The following TFEC variants were observed in gnomAD, a reference collection of about 807,000 sequenced individuals.
The protein encoded by TFEC is transcription factor EC.
Under a neutral mutation model 41.6 loss-of-function variants are expected in TFEC, and 31 were observed. The observed-to-expected ratio is 0.74, with a 90% CI of 0.56 to 1.01. The LOEUF (loss-of-function observed/expected upper bound fraction) is 1.01. TFEC is among the 50% of genes least tolerant of loss of function. The probability of loss-of-function intolerance (pLI) is 0.00; values close to 1 mark genes in which losing one functional copy is unlikely to be tolerated. For missense variants in TFEC, 402 were observed against 404.1 expected, an observed-to-expected ratio of 0.99 and a Z score of 0.04; for synonymous variants, 143 against 140.6, an observed-to-expected ratio of 1.02 and a Z score of -0.12.
At chr7:116,068,971 G>C (rs10953802) in intron 3 of TFEC, among the ~76,000 whole-genome samples, 36,381 of 151,412 alleles carry the variant, frequency 0.24, 4,530 homozygotes, top group East Asian at 0.39. Flanking sequence ...AACACAACTT[G>C]AAGAAAATAG....
At chr7:116,121,836 T>TG (rs1260922373) in intron 1 of TFEC, among the ~76,000 whole-genome samples, 2 of 152,012 alleles carry the variant, frequency 1.3e-5, no homozygotes, top group Non-Finnish European at 1.5e-5. Flanking sequence ...AAGCCCTGAT[T>TG]GGTCCAAAAG....
At chr7:116,148,007 A>G (rs1798678818) in intron 1 of TFEC, among the ~76,000 whole-genome samples, 2 of 152,320 alleles carry the variant, frequency 1.3e-5, no homozygotes, top group Non-Finnish European at 2.9e-5. Context: ...TAAGGGAAGT[A>G]AGATTGACAA....
At chr7:116,021,118 A>G (rs1460698108) in intron 1 of TFEC, among the ~76,000 whole-genome samples, 1 of 152,216 alleles carries the variant, frequency 6.6e-6, no homozygotes, top group Admixed American at 6.5e-5. Context: ...AAAGGAACAT[A>G]AGAATTGATA....
At chr7:115,967,655 A>G (rs995645904) in intron 3 of TFEC, among the ~76,000 whole-genome samples, 5 of 151,802 alleles carry the variant, frequency 3.3e-5, no homozygotes, top group African/African-American at 1.2e-4. Flanking sequence ...TTTTTGTCCT[A>G]TTATGACACA....
rs1326217479 is a variant in TFEC at position 115,935,164 on chromosome 7, A to T, written c.*5387T>A. ...AAACTGTAAAACATTTCATAATTATAGTCTTTCATTTAATATATGCAAAGA... is the reference window on the plus strand; with the variant it reads ...AAACTGTAAAACATTTCATAATTATTGTCTTTCATTTAATATATGCAAAGA... On this transcript the variant is annotated 3_prime_UTR_variant, in exon 8 of 8. Transcript: ENST00000265440. 1 of 151,742 alleles carries T rather than the reference A, an allele frequency of 6.6e-6. No homozygotes were observed. Among genetic ancestry groups the T allele is most frequent in the Non-Finnish European group, 1.5e-5 (1 of 67,650 alleles). The allele number at this position is 151,742 out of a possible 1,614,324, so 9.4% of individuals were successfully genotyped here.
At chr7:115,977,481 A>G (rs549463451) in intron 2 of TFEC, among the ~76,000 whole-genome samples, 1 of 152,198 alleles carries the variant, frequency 6.6e-6, no homozygotes, top group South Asian at 2.1e-4. Flanking sequence ...AGAACTTTGA[A>G]CCTACATATT....
At chr7:116,001,201 T>G (rs1046333796) in intron 1 of TFEC, among the ~76,000 whole-genome samples, 1 of 152,084 alleles carries the variant, frequency 6.6e-6, no homozygotes, top group African/African-American at 2.4e-5. Flanking sequence ...ATTGGGGAAA[T>G]GACAGTCTCT....
At chr7:116,068,360 A>T (rs1295094365) in intron 3 of TFEC, among the ~76,000 whole-genome samples, 1 of 151,816 alleles carries the variant, frequency 6.6e-6, no homozygotes, top group Non-Finnish European at 1.5e-5. Flanking sequence ...CCTAAAAGCA[A>T]GCATTTAGAG....
Position 116,095,442 on chromosome 7 carries a change from A to G in TFEC, c.198+15266T>C, listed in dbSNP as rs114371370. Among the ~76,000 whole-genome samples, 1,294 of 152,302 alleles carry G rather than the reference A, an allele frequency of 8.5e-3. 21 individuals carry two copies. Among genetic ancestry groups the G allele is most frequent in the African/African-American group, 0.029 (1,214 of 41,562 alleles). On this transcript the variant is annotated intron_variant, in intron 3 of 8. Coordinates refer to the TFEC transcript ENST00000484212. Reference sequence around the variant, plus strand: ...CACACATACACATATACATACACACATACACATATACATACACACATATCC... The same window carrying G: ...CACACATACACATATACATACACACGTACACATATACATACACACATATCC...
intron 3 of TFEC, among the ~76,000 whole-genome samples, chr7:116,074,640 G>A (rs1796911567): frequency 6.6e-6 from 1 of 152,088 alleles, no homozygotes; most frequent in Non-Finnish European, 1.5e-5. Context: ...AAACTGGAAT[G>A]TTTATAAATT....
At chr7:115,953,943 G>A (rs1408524846) in intron 5 of TFEC, among the ~76,000 whole-genome samples, 4 of 152,000 alleles carry the variant, frequency 2.6e-5, no homozygotes, top group Non-Finnish European at 4.4e-5. Context: ...CTTCCAGAAC[G>A]AAAAGGCTTC....
At chr7:115,971,198 A>T (rs1793117887) in intron 3 of TFEC, among the ~76,000 whole-genome samples, 1 of 151,956 alleles carries the variant, frequency 6.6e-6, no homozygotes, top group African/African-American at 2.4e-5. Context: ...ACCCAGAGAC[A>T]TTGGCTTAGA....
chr7:116,044,794 C>T (rs1003899026), intron 3 of TFEC, among the ~76,000 whole-genome samples: 4 of 152,208 alleles, frequency 2.6e-5, no homozygotes, highest in African/African-American at 9.6e-5. Flanking sequence ...CCACTTGTAA[C>T]CTGCCTCTTT....
intron 3 of TFEC, among the ~76,000 whole-genome samples, chr7:115,962,853 A>T (rs1171283243): frequency 6.6e-6 from 1 of 151,812 alleles, no homozygotes; most frequent in African/African-American, 2.4e-5. Flanking sequence ...ACCCAATTTC[A>T]TTTATTTATT....
At chr7:116,139,861 A>G (rs1163543600) in intron 1 of TFEC, among the ~76,000 whole-genome samples, 1 of 152,202 alleles carries the variant, frequency 6.6e-6, no homozygotes, top group Non-Finnish European at 1.5e-5. Context: ...GGATAAACAG[A>G]AGATAGAAAG....
intron 1 of TFEC, among the ~76,000 whole-genome samples, chr7:116,123,635 ACTTTT>A (rs1456325973): frequency 4.6e-5 from 7 of 152,080 alleles, no homozygotes; most frequent in Non-Finnish European, 8.8e-5. Context: ...CCCACTGGGT[ACTTTT>A]CTTTATTGAT....
At chr7:116,078,511 G>T (rs1219310573) in intron 3 of TFEC, among the ~76,000 whole-genome samples, 1 of 151,906 alleles carries the variant, frequency 6.6e-6, no homozygotes, top group Non-Finnish European at 1.5e-5. Context: ...TATTACAACT[G>T]ATACCACAGA....
intron 4 of TFEC, among the ~76,000 whole-genome samples, chr7:115,956,413 ATG>A (rs1178106946): frequency 4.0e-5 from 6 of 150,016 alleles, no homozygotes; most frequent in Non-Finnish European, 9.0e-5. Context: ...GTATGTATAT[ATG>A]TGTGTATATA....
In TFEC at chr7:116,099,080, A is replaced by T. The variant is rs1197071883; in HGVS notation, c.198+11628T>A. 4.6e-5 allele frequency among the ~76,000 whole-genome samples: 7 copies of T among 152,364 alleles called. No homozygotes were observed. In the East Asian group the frequency reaches 1.3e-3, roughly 29 times the overall value. ...AATATTCATTAAATTGGACTTTATC[A>T]AAATTAAAATGTTTTTCTCTGTGAA... On this transcript the variant is annotated intron_variant, in intron 3 of 8. Transcript: ENST00000484212.
Sources: gnomAD v4.1 joint callset for allele counts (sites outside exome capture counted in the v4.1 genomes callset) on GRCh38, gnomAD v4.1.1 for gene constraint, MANE v1.5 for transcripts, NCBI Gene and HGNC (gene_info 2026-07-23, HGNC 2026-07-21) for gene names.